LRP1B: variants seen among roughly 807,000 people sequenced by gnomAD.
LRP1B encodes LDL receptor related protein 1B.
LRP1B carries 217 observed loss-of-function variants against 556.6 expected under a neutral mutation model. That is an observed-to-expected ratio of 0.39 (90% CI 0.35 to 0.44). LRP1B has a LOEUF of 0.44. Among genes scored for constraint, LRP1B ranks in the 20% least tolerant of loss-of-function variants. The pLI is 1.00. For synonymous variants in LRP1B, 2,047 were observed against 1,865.8 expected (o/e 1.10, Z -2.50); for missense variants, 5,053 against 5,620.8 (o/e 0.90, Z 3.23).
At chr2:141,206,575 A>G (rs1168408117) in intron 6 of LRP1B, among the ~76,000 whole-genome samples, 1 of 148,260 alleles carries the variant, frequency 6.7e-6, no homozygotes, top group Non-Finnish European at 1.5e-5. Context: ...CGACAGAGCA[A>G]GACTCCGTCT....
intron 85 of LRP1B, among the ~76,000 whole-genome samples, chr2:140,274,000 T>C (rs536154401): frequency 6.6e-6 from 1 of 152,170 alleles, no homozygotes; most frequent in Admixed American, 6.6e-5. Context: ...ATTAGACAGG[T>C]CTTTTGCTCC....
rs200059722 is a variant in LRP1B, at chr2:141,243,139, A to ATT, written c.592+4085_592+4086dup. 3.2e-5 allele frequency among the ~76,000 whole-genome samples: 3 copies of ATT among 94,692 alleles called. 1 individual carries two copies. The highest frequency in any genetic ancestry group is 7.8e-5 in the Non-Finnish European group (3 of 38,370). The allele number at this position is 94,692 out of a possible 152,430, so 62.1% of individuals were successfully genotyped here. The stretch of plus-strand genomic sequence containing the variant: ...TTATTTTTTATTTTTATTTATTATT[A>ATT]TTTTTATTTTTTTTTTCATATGACA... On this transcript the variant is annotated intron_variant, in intron 5 of 90. Transcript: ENST00000389484.
intron 3 of LRP1B, among the ~76,000 whole-genome samples, chr2:141,285,202 A>G (rs1352091162): frequency 6.8e-6 from 1 of 146,992 alleles, no homozygotes; most frequent in African/African-American, 2.5e-5. Context: ...GGTTCAAGCG[A>G]CTCTCCTGCC....
intron 2 of LRP1B, among the ~76,000 whole-genome samples, chr2:141,710,346 G>A (rs986278008): frequency 6.6e-6 from 1 of 151,500 alleles, no homozygotes; most frequent in Non-Finnish European, 1.5e-5. Flanking sequence ...TTTTTGTTGG[G>A]AAAAGCTAGC....
At chr2:140,330,016 A>G (rs1218079536) in intron 79 of LRP1B, among the ~76,000 whole-genome samples, 1 of 151,770 alleles carries the variant, frequency 6.6e-6, no homozygotes, top group Non-Finnish European at 1.5e-5. Context: ...CCTGGCCAAC[A>G]TGGTGAAACC....
chr2:141,277,009 T>C (rs1685325386), intron 3 of LRP1B, among the ~76,000 whole-genome samples: 1 of 152,186 alleles, frequency 6.6e-6, no homozygotes, highest in Non-Finnish European at 1.5e-5. Context: ...ATGGTGTACA[T>C]GTGTCAAATT....
intron 5 of LRP1B, among the ~76,000 whole-genome samples, chr2:141,243,577 T>C (rs564994258): frequency 7.2e-5 from 11 of 152,310 alleles, no homozygotes; most frequent in African/African-American, 2.6e-4. Context: ...ATTTGTAGTC[T>C]TGTATGTCTC....
At chr2:141,828,508 C>T (rs188175434) in intron 1 of LRP1B, among the ~76,000 whole-genome samples, 30 of 152,184 alleles carry the variant, frequency 2.0e-4, no homozygotes, top group South Asian at 1.2e-3. Context: ...CTATAAAGAA[C>T]GGAGAAAAGA....
chr2:142,099,219 A>G (rs568465599), intron 1 of LRP1B, among the ~76,000 whole-genome samples: 1 of 151,976 alleles, frequency 6.6e-6, no homozygotes, highest in East Asian at 1.9e-4. Context: ...ATTAAACGTG[A>G]TTCCTTGATC....
At chr2:141,409,428 A>T (rs138233685) in intron 3 of LRP1B, among the ~76,000 whole-genome samples, 48 of 152,252 alleles carry the variant, frequency 3.2e-4, no homozygotes, top group African/African-American at 1.1e-3. Flanking sequence ...TGAGATTCAG[A>T]TGAGGCAGTG....
intron 2 of LRP1B, among the ~76,000 whole-genome samples, chr2:141,713,514 T>C (rs758623079): frequency 3.9e-5 from 6 of 152,138 alleles, no homozygotes; most frequent in Admixed American, 6.6e-5. Flanking sequence ...ATGCGGTATC[T>C]GTTAAATAGC....
At chr2:141,772,746 A>C (rs946799919) in intron 2 of LRP1B, among the ~76,000 whole-genome samples, 6 of 152,194 alleles carry the variant, frequency 3.9e-5, no homozygotes, top group African/African-American at 9.7e-5. Context: ...TAAGATACCT[A>C]GGAATGTTTG....
At chr2:141,388,700 GA>G (rs1279456104) in intron 3 of LRP1B, among the ~76,000 whole-genome samples, 1 of 151,896 alleles carries the variant, frequency 6.6e-6, no homozygotes, top group Non-Finnish European at 1.5e-5. Flanking sequence ...CTCAAGTTTG[GA>G]AAAGAAGAAG....
chr2:140,363,907 T>C (rs946673176), intron 72 of LRP1B, among the ~76,000 whole-genome samples: 2 of 151,652 alleles, frequency 1.3e-5, no homozygotes, highest in African/African-American at 4.8e-5. Flanking sequence ...TGGCAGCATT[T>C]TCCTTTAAAG....
Position 140,444,670 on chromosome 2 carries a change from C to T in LRP1B, c.10067G>A (p.Arg3356Lys), listed in dbSNP as rs2105305255. ...SDEPDDCPEFRCQPGRFQCGT... is the reference protein window; with the variant it reads ...SDEPDDCPEFKCQPGRFQCGT... ...ACACTGAAATCGGCCTGGCTGACAT[C>T]TAAATTCAGCTAGGGGAGAAAGCAT... Residue 3356 changes from arginine to lysine, a missense_variant, in exon 64 of 91, where the codon AGA becomes AAA. This residue lies in a region of LRP1B where 262 missense variants were observed against 395.1 expected (regional missense o/e 0.66). Coordinates refer to ENST00000389484, the MANE Select transcript of LRP1B (RefSeq NM_018557.3). 1.9e-6 allele frequency: 3 copies of T among 1,602,458 alleles called. No homozygotes were observed. Among genetic ancestry groups the T allele is most frequent in the Non-Finnish European group, 2.6e-6 (3 of 1,169,612 alleles).
At chr2:141,141,295 A>G (rs182384855) in intron 7 of LRP1B, among the ~76,000 whole-genome samples, 1 of 152,252 alleles carries the variant, frequency 6.6e-6, no homozygotes, top group Admixed American at 6.5e-5. Context: ...AGATTACACA[A>G]CTATATTTTA....
rs143748936 is a variant in LRP1B at position 141,306,329 on chromosome 2, G to T, written c.344-51688C>A. ...TTATCACTCATTATTGGGTTCTTCAGGTTTTCTCTTTCTTCTTAATTTAAT... is the reference window on the plus strand; with the variant it reads ...TTATCACTCATTATTGGGTTCTTCATGTTTTCTCTTTCTTCTTAATTTAAT... On this transcript the variant is annotated intron_variant, in intron 3 of 90. Transcript: ENST00000389484. Among the ~76,000 whole-genome samples, 77 of 151,952 alleles carry T rather than the reference G, an allele frequency of 5.1e-4. No homozygotes were observed. In the Middle Eastern group the frequency reaches 0.017, roughly 34 times the overall value.
At chr2:141,182,022 A>G (rs1358356577) in intron 7 of LRP1B, among the ~76,000 whole-genome samples, 2 of 151,936 alleles carry the variant, frequency 1.3e-5, no homozygotes, top group Non-Finnish European at 2.9e-5. Context: ...ACATCAGCAA[A>G]TCCTGAAAGG....
intron 1 of LRP1B, among the ~76,000 whole-genome samples, chr2:142,001,053 CCTTTTGCTTGG>C (rs1702635737): frequency 6.6e-6 from 1 of 152,074 alleles, no homozygotes; most frequent in Admixed American, 6.6e-5. Flanking sequence ...AAGGGTTTCC[CCTTTTGCTTGG>C]CTCTTGTTCT....
Sources: allele counts gnomAD v4.1 joint callset (sites outside exome capture counted in the v4.1 genomes callset), GRCh38; gene constraint gnomAD v4.1.1; regional missense constraint gnomAD v4.1.1; transcripts MANE v1.5; gene names NCBI Gene and HGNC (gene_info 2026-07-23, HGNC 2026-07-21).